TRAF3: variants seen among roughly 807,000 people sequenced by gnomAD.
TRAF3 encodes TNF receptor associated factor 3, also known as TNF receptor-associated factor 3.
TRAF3 carries 13 observed loss-of-function variants against 62.3 expected under a neutral mutation model. That is an observed-to-expected ratio of 0.21 (90% CI 0.14 to 0.33). TRAF3 has a LOEUF of 0.33. Ranked by LOEUF, TRAF3 falls within the 10% of genes least tolerant of loss-of-function variation. TRAF3 has a pLI of 1.00. For synonymous variants in TRAF3, 269 were observed against 283.4 expected, an observed-to-expected ratio of 0.95 and a Z score of 0.51; for missense variants, 440 against 741.8, an observed-to-expected ratio of 0.59 and a Z score of 4.73.
intron 4 of TRAF3, among the ~76,000 whole-genome samples, chr14:102,874,795 C>T (rs1242596983): frequency 3.3e-5 from 5 of 151,880 alleles, no homozygotes; most frequent in African/African-American, 2.4e-5. Flanking sequence ...AGACTGCAGG[C>T]GCATATGCTG....
At chr14:102,803,876 T>C (rs902899185) in intron 1 of TRAF3, among the ~76,000 whole-genome samples, 1 of 152,182 alleles carries the variant, frequency 6.6e-6, no homozygotes, top group African/African-American at 2.4e-5. Context: ...AATTCTTGGC[T>C]TTGAGGAGGT....
intron 9 of TRAF3, among the ~76,000 whole-genome samples, chr14:102,892,402 A>G (rs552400610): frequency 3.9e-5 from 6 of 152,308 alleles, no homozygotes; most frequent in Admixed American, 1.3e-4. Context: ...CTATAGGCGC[A>G]GGAGCAAGCA....
intron 8 of TRAF3, 61 bp downstream of exon 8, chr14:102,889,695 A>T (rs1248974454): frequency 6.4e-7 from 1 of 1,572,530 alleles, no homozygotes; most frequent in Admixed American, 1.7e-5. Flanking sequence ...GAAAGTTATT[A>T]TATTAACATT....
intron 1 of TRAF3, among the ~76,000 whole-genome samples, chr14:102,796,906 G>A (rs1366653431): frequency 3.3e-5 from 5 of 152,188 alleles, no homozygotes; most frequent in African/African-American, 7.2e-5. Context: ...CATTGCTCTC[G>A]TGAGCCTTTG....
At chr14:102,887,158 G>C (rs370169248) in intron 7 of TRAF3, among the ~76,000 whole-genome samples, 1 of 152,242 alleles carries the variant, frequency 6.6e-6, no homozygotes, top group African/African-American at 2.4e-5. Flanking sequence ...TTCTGCATCT[G>C]TCCTGACGGG....
chr14:102,840,872 A>G (rs1443099391), intron 2 of TRAF3, among the ~76,000 whole-genome samples: 1 of 152,212 alleles, frequency 6.6e-6, no homozygotes. Flanking sequence ...AATAAGGGGA[A>G]CAAACAAAAC....
chr14:102,887,128 A>G (rs1300050031), intron 7 of TRAF3, among the ~76,000 whole-genome samples: 2 of 152,170 alleles, frequency 1.3e-5, no homozygotes, highest in African/African-American at 4.8e-5. Context: ...AGTTGGGAAA[A>G]TTTCAAGGAT....
intron 1 of TRAF3, among the ~76,000 whole-genome samples, chr14:102,800,842 T>G (rs1024780761): frequency 6.6e-6 from 1 of 152,010 alleles, no homozygotes; most frequent in Admixed American, 6.6e-5. Context: ...ACTACAGGCT[T>G]GTGCCGCCAC....
chr14:102,898,591 C>A (rs1483457428), intron 10 of TRAF3, among the ~76,000 whole-genome samples: 2 of 152,190 alleles, frequency 1.3e-5, no homozygotes, highest in Non-Finnish European at 2.9e-5. Context: ...CAGAGAGGCA[C>A]TGGAAAGGCC....
intron 2 of TRAF3, among the ~76,000 whole-genome samples, chr14:102,847,846 G>A (rs1886813069): frequency 6.6e-6 from 1 of 151,946 alleles, no homozygotes; most frequent in African/African-American, 2.4e-5. Flanking sequence ...ACTTTGGTTT[G>A]GTTTGTGTCT....
chr14:102,881,395 CAAA>C (rs57546209), intron 6 of TRAF3, among the ~76,000 whole-genome samples: 3 of 117,446 alleles, frequency 2.6e-5, no homozygotes, highest in African/African-American at 5.4e-5. Context: ...ACAACAAAAA[CAAA>C]AAAAAAAAAA....
At chr14:102,809,707 T>G (rs1227966488) in intron 1 of TRAF3, among the ~76,000 whole-genome samples, 1 of 151,650 alleles carries the variant, frequency 6.6e-6, no homozygotes, top group East Asian at 2.0e-4. Context: ...ATTTTTTGTA[T>G]TTTTAGTAGA....
At chr14:102,844,989 C>T (rs1281452878) in intron 2 of TRAF3, among the ~76,000 whole-genome samples, 5 of 152,032 alleles carry the variant, frequency 3.3e-5, no homozygotes, top group African/African-American at 9.7e-5. Flanking sequence ...GCCCTGCCTC[C>T]TGGGTTCACA....
chr14:102,897,482 T>C (rs2139975269), intron 10 of TRAF3, 81 bp downstream of exon 10: 1 of 1,567,558 alleles, frequency 6.4e-7, no homozygotes, highest in Non-Finnish European at 8.7e-7. Context: ...TAGCAAACTC[T>C]TTGAGCTGAG....
chr14:102,783,838 G>T (rs1897363813), intron 1 of TRAF3, among the ~76,000 whole-genome samples: 1 of 152,138 alleles, frequency 6.6e-6, no homozygotes, highest in South Asian at 2.1e-4. Context: ...TGGGCAGGCT[G>T]CTTGGCCCCG....
intron 1 of TRAF3, among the ~76,000 whole-genome samples, chr14:102,819,045 A>C (rs1899729653): frequency 6.7e-6 from 1 of 148,532 alleles, no homozygotes; most frequent in African/African-American, 2.5e-5. Flanking sequence ...ACGGAGCAAG[A>C]CTCTGTCTCT....
At position 102,903,063 on chromosome 14, in the gene TRAF3, G is replaced by A. The variant is rs751470310; in HGVS notation, c.961-192G>A. On this transcript the variant is annotated intron_variant, in intron 10 of 11. Transcript: ENST00000392745. The surrounding 1 kb of genome is among the most constrained non-coding windows in gnomAD (Gnocchi z 6.4). ...CCTCGAGTGCTCCCTGCCGGCACAAGCACTTGATCCCAGGGAGCTCCCAGG... is the reference window on the plus strand; with the variant it reads ...CCTCGAGTGCTCCCTGCCGGCACAAACACTTGATCCCAGGGAGCTCCCAGG... 1.4e-5 allele frequency: 10 copies of A among 734,252 alleles called. No homozygotes were observed. The highest frequency in any genetic ancestry group is 2.1e-5 in the Admixed American group (1 of 47,948). 45.5% of individuals were successfully genotyped at this position (734,252 alleles called of 1,614,324 possible).
At chr14:102,904,733 C>G (rs567545278) in intron 11 of TRAF3, among the ~76,000 whole-genome samples, 24 of 151,142 alleles carry the variant, frequency 1.6e-4, no homozygotes, top group Non-Finnish European at 7.4e-5. Context: ...TGGTGTGAAC[C>G]CGGGAGGCGG....
At position 102,908,112 on chromosome 14, in the gene TRAF3, T is replaced by G. The variant is rs1429891356; in HGVS notation, c.*2328T>G. ...TCTTGGTCTAGTAAGAACCGTTTCC[T>G]CCCCTCTGGGTTGAAGTCCTGGTGT... On this transcript the variant is annotated 3_prime_UTR_variant, in exon 12 of 12. Transcript: ENST00000392745. The G allele has an allele frequency of 6.6e-6, 1 of 152,298 alleles. No individual in the cohort carries two copies. The highest frequency in any genetic ancestry group is 1.5e-5 in the Non-Finnish European group (1 of 68,072). The allele number at this position is 152,298 out of a possible 1,614,324, so 9.4% of individuals were successfully genotyped here. A position where few individuals can be genotyped will look rare whatever the true frequency, so the allele number is the denominator to read the frequency against.
Sources: allele counts gnomAD v4.1 joint callset (sites outside exome capture counted in the v4.1 genomes callset), GRCh38; gene constraint gnomAD v4.1.1; non-coding constraint Gnocchi (gnomAD v3.1); transcripts MANE v1.5; gene names NCBI Gene and HGNC (gene_info 2026-07-23, HGNC 2026-07-21).